The following MMP24 variants were observed in gnomAD, a reference collection of about 807,000 sequenced individuals.
MMP24 encodes matrix metalloproteinase-24.
In MMP24, 25 loss-of-function variants were observed where a neutral mutation model predicts 62.8. The observed-to-expected ratio is 0.40, with a 90% CI of 0.29 to 0.56. The LOEUF is 0.56. Among genes scored for constraint, MMP24 ranks in the 20% least tolerant of loss-of-function variants. MMP24 has a pLI of 0.50. For missense variants in MMP24, 634 were observed against 853.6 expected (o/e 0.74, Z 3.21); for synonymous variants, 319 against 350.5 (o/e 0.91, Z 1.00).
chr20:35,227,117 C>T, intron 1 of MMP24, 133 bp downstream of exon 1: 1 of 765,936 alleles, frequency 1.3e-6, no homozygotes, highest in Non-Finnish European at 1.6e-6. Flanking sequence ...GGGGTCCGCG[C>T]CTTGGGTCCG....
At chr20:35,229,367 C>A (rs1322421528) in intron 1 of MMP24, among the ~76,000 whole-genome samples, 2 of 152,128 alleles carry the variant, frequency 1.3e-5, no homozygotes, top group Admixed American at 6.5e-5. Flanking sequence ...TCTCTTGGGG[C>A]CCCCTGCACT....
At chr20:35,264,044 G>A (rs184687245) in intron 5 of MMP24, 92 bp downstream of exon 5, 223 of 1,354,658 alleles carry the variant, frequency 1.6e-4, no homozygotes, top group Middle Eastern at 4.0e-4. Flanking sequence ...GGAGGGGGAC[G>A]TTGCTATCAT....
chr20:35,261,571 A>G (rs1033855077), intron 4 of MMP24, among the ~76,000 whole-genome samples: 7 of 152,122 alleles, frequency 4.6e-5, no homozygotes, highest in African/African-American at 1.7e-4. Flanking sequence ...TTCCACCCTC[A>G]GGATCCTGTG....
intron 2 of MMP24, among the ~76,000 whole-genome samples, chr20:35,250,706 A>AGGCAAAG (rs1288134288): frequency 6.6e-6 from 1 of 152,136 alleles, no homozygotes; most frequent in Non-Finnish European, 1.5e-5. Context: ...TCGTAGTAGA[A>AGGCAAAG]GGCAAAGGGG....
chr20:35,246,905 G>A lies in MMP24; in HGVS notation c.312G>A (p.Ala104=), dbSNP rs3764733. Residue 104 remains alanine (A), a synonymous_variant, in exon 2 of 9, where the codon GCG becomes GCA. Transcript: ENST00000246186. ...YDSRASALHS[A]KALQSAVSTM... ...CACGGGCATCTGCGCTGCACTCAGCGAAGGCCTTGCAGTCGGCAGTCTCCA... is the reference window on the plus strand; with the variant it reads ...CACGGGCATCTGCGCTGCACTCAGCAAAGGCCTTGCAGTCGGCAGTCTCCA... The A allele has an allele frequency of 0.18, 291,777 of 1,613,836 alleles. 27,070 individuals carry two copies. The highest frequency in any genetic ancestry group is 0.29 in the Middle Eastern group (1,751 of 6,062).
intron 6 of MMP24, 139 bp downstream of exon 6, chr20:35,267,558 G>A: frequency 1.1e-6 from 1 of 869,998 alleles, no homozygotes; most frequent in Non-Finnish European, 1.7e-6. Context: ...AGTGGCCAGG[G>A]CATGGGGTCT....
chr20:35,231,776 G>C (rs770823694), intron 1 of MMP24, among the ~76,000 whole-genome samples: 1 of 152,196 alleles, frequency 6.6e-6, no homozygotes, highest in Non-Finnish European at 1.5e-5. Context: ...AGCAGGCCAG[G>C]CATGGTGGCT....
chr20:35,230,092 C>T (rs372035120), intron 1 of MMP24, among the ~76,000 whole-genome samples: 1 of 152,030 alleles, frequency 6.6e-6, no homozygotes, highest in South Asian at 2.1e-4. Context: ...CAGGTTCAAG[C>T]GATTCTCCTG....
chr20:35,246,551 G>A (rs931805947), intron 1 of MMP24, among the ~76,000 whole-genome samples: 1 of 152,168 alleles, frequency 6.6e-6, no homozygotes, highest in Non-Finnish European at 1.5e-5. Context: ...CTGAATAAAT[G>A]AGTAAAGAGG....
chr20:35,227,018 C>T (rs1312494807), intron 1 of MMP24, 34 bp downstream of exon 1: 5 of 975,152 alleles, frequency 5.1e-6, no homozygotes, highest in Non-Finnish European at 6.1e-6. Flanking sequence ...GGCGCGGGCT[C>T]GGGGCATCCG....
At chr20:35,232,932 C>T (rs950615752) in intron 1 of MMP24, among the ~76,000 whole-genome samples, 1 of 152,098 alleles carries the variant, frequency 6.6e-6, no homozygotes, top group Admixed American at 6.5e-5. Flanking sequence ...GGCTCCTGCC[C>T]TGAATGCTTT....
intron 3 of MMP24, among the ~76,000 whole-genome samples, chr20:35,253,217 C>T (rs1369473768): frequency 6.9e-6 from 1 of 145,824 alleles, no homozygotes; most frequent in Admixed American, 7.0e-5. Flanking sequence ...CAGAGATCCT[C>T]AAGAGTTGAA....
intron 1 of MMP24, among the ~76,000 whole-genome samples, chr20:35,239,326 C>T (rs566095343): frequency 6.6e-6 from 1 of 152,238 alleles, no homozygotes; most frequent in South Asian, 2.1e-4. Context: ...CATGAGCCAC[C>T]ACGCCTGGCT....
chr20:35,268,897 G>A (rs1047596861), intron 6 of MMP24, among the ~76,000 whole-genome samples: 3 of 152,100 alleles, frequency 2.0e-5, no homozygotes, highest in Non-Finnish European at 4.4e-5. Flanking sequence ...TGTGGTGGCG[G>A]GCGCCTGTAG....
chr20:35,253,971 CA>C (rs1289715006), intron 3 of MMP24, among the ~76,000 whole-genome samples: 2 of 150,222 alleles, frequency 1.3e-5, no homozygotes, highest in Non-Finnish European at 2.9e-5. Flanking sequence ...CGGGTTCAAG[CA>C]ATTATCCTGC....
chr20:35,275,954 G>A lies in MMP24; in HGVS notation c.*1345G>A, dbSNP rs576939812. 1.1e-3 allele frequency: 451 copies of A among 398,566 alleles called. 2 individuals carry two copies. Among genetic ancestry groups the A allele is most frequent in the African/African-American group, 7.7e-3 (377 of 48,738 alleles). The allele number at this position is 398,566 out of a possible 1,614,324, so 24.7% of individuals were successfully genotyped here. On this transcript the variant is annotated 3_prime_UTR_variant, in exon 9 of 9. Coordinates refer to ENST00000246186, the MANE Select transcript of MMP24 (RefSeq NM_006690.4). The stretch of plus-strand genomic sequence containing the variant: ...CTTGGCCTGCCTTGCTCCACAGTAC[G>A]GCGGAGGCAGCCCTGCTTGTCACTG...
chr20:35,248,874 G>A (rs889800956), intron 2 of MMP24, among the ~76,000 whole-genome samples: 12 of 152,222 alleles, frequency 7.9e-5, no homozygotes, highest in Non-Finnish European at 1.3e-4. Flanking sequence ...TCCTGGGGCA[G>A]AAGCACTGGT....
intron 1 of MMP24, among the ~76,000 whole-genome samples, chr20:35,241,733 C>T (rs1369459275): frequency 6.6e-6 from 1 of 152,182 alleles, no homozygotes; most frequent in Non-Finnish European, 1.5e-5. Context: ...TTTTAATTCC[C>T]AGAGCACTGG....
chr20:35,229,957 T>A (rs2060430759), intron 1 of MMP24, among the ~76,000 whole-genome samples: 1 of 152,074 alleles, frequency 6.6e-6, no homozygotes, highest in Non-Finnish European at 1.5e-5. Flanking sequence ...CCCCAGCCAG[T>A]TTGTCATTTA....
Sources: allele counts gnomAD v4.1 joint callset (sites outside exome capture counted in the v4.1 genomes callset), GRCh38; gene constraint gnomAD v4.1.1; transcripts MANE v1.5; gene names NCBI Gene and HGNC (gene_info 2026-07-23, HGNC 2026-07-21).